SMIM35: variants seen among roughly 807,000 people sequenced by gnomAD.
SMIM35 encodes the protein small integral membrane protein 35, also known as TMPRSS4 antisense RNA 1 (non-protein coding).
intron 1 of SMIM35, among the ~76,000 whole-genome samples, chr11:118,024,015 CA>C (rs34791559): frequency 0.14 from 18,159 of 134,070 alleles, 1,107 homozygotes; most frequent in Admixed American, 0.17. Flanking sequence ...ATGCCTTCTC[CA>C]AAAAAAAAAA....
intron 1 of SMIM35, among the ~76,000 whole-genome samples, chr11:118,063,294 TGGGGACCC>T (rs933429808): frequency 6.6e-6 from 1 of 152,236 alleles, no homozygotes; most frequent in African/African-American, 2.4e-5. Flanking sequence ...GGGGTCTGGA[TGGGGACCC>T]CTTTCCTATA....
At chr11:118,033,460 AT>A (rs1222505934) in intron 1 of SMIM35, among the ~76,000 whole-genome samples, 4 of 151,998 alleles carry the variant, frequency 2.6e-5, no homozygotes, top group Non-Finnish European at 5.9e-5. Flanking sequence ...ATTCCTGTGT[AT>A]TTTTTTTCCT....
intron 4 of SMIM35, among the ~76,000 whole-genome samples, chr11:118,010,312 A>G (rs964519468): frequency 6.6e-6 from 1 of 152,180 alleles, no homozygotes; most frequent in African/African-American, 2.4e-5. Context: ...GCCCCCTCCA[A>G]TGCCACTGGC....
intron 1 of SMIM35, among the ~76,000 whole-genome samples, chr11:118,034,839 C>G (rs1351529809): frequency 1.3e-5 from 2 of 152,212 alleles, no homozygotes; most frequent in Non-Finnish European, 2.9e-5. Context: ...TATTATAACA[C>G]CAGCCCAGGA....
chr11:118,053,794 C>T (rs139243004), intron 1 of SMIM35, among the ~76,000 whole-genome samples: 56 of 152,266 alleles, frequency 3.7e-4, no homozygotes, highest in African/African-American at 1.2e-3. Flanking sequence ...CCACCCCAGC[C>T]CCTGTTCCTC....
intron 1 of SMIM35, among the ~76,000 whole-genome samples, chr11:118,046,868 T>A (rs1477553611): frequency 6.6e-6 from 1 of 152,232 alleles, no homozygotes; most frequent in Non-Finnish European, 1.5e-5. Context: ...GTTCTGGTTA[T>A]CTCACTTTGA....
Position 118,076,340 on chromosome 11 carries a change from G to A in SMIM35, c.7+10411C>T, listed in dbSNP as rs57723675. On this transcript the variant is annotated intron_variant, in intron 1 of 4. Coordinates refer to ENST00000689828, the MANE Select transcript of SMIM35 (RefSeq NM_001394165.1). ...CAGGTGGCTGTAGTCCCAGCTACTCGAGAGGCTGGAGCACGAGAATTGCTT... is the reference window on the plus strand; with the variant it reads ...CAGGTGGCTGTAGTCCCAGCTACTCAAGAGGCTGGAGCACGAGAATTGCTT... 3.3e-5 allele frequency among the ~76,000 whole-genome samples: 5 copies of A among 152,170 alleles called. No individual in the cohort carries two copies. In the South Asian group the frequency reaches 8.3e-4, roughly 25 times the overall value.
rs146664745 is a variant in SMIM35 at position 118,021,046 on chromosome 11, G to GGTTTTTTTTTTTTTTT, written c.8-5238_8-5237insAAAAAAAAAAAAAAAC. Among the ~76,000 whole-genome samples the GGTTTTTTTTTTTTTTT allele has an allele frequency of 0.017, 2,273 of 130,614 alleles. 148 individuals carry two copies. The East Asian group carries it at 0.27, about 16-fold the overall frequency. 85.7% of individuals were successfully genotyped at this position (130,614 alleles called of 152,430 possible). A position where few individuals can be genotyped will look rare whatever the true frequency, so the allele number is the denominator to read the frequency against. ...TTTAGTTTCCAAATTCACAGGGTAA[G>GGTTTTTTTTTTTTTTT]GTTTTTTTTTTTACTATTTATTAAG... is the stretch of plus-strand genomic sequence containing the variant. On this transcript the variant is annotated intron_variant, in intron 1 of 4. Coordinates refer to ENST00000689828, the MANE Select transcript of SMIM35 (RefSeq NM_001394165.1).
intron 1 of SMIM35, among the ~76,000 whole-genome samples, chr11:118,058,477 C>T (rs1404934710): frequency 6.6e-6 from 1 of 152,170 alleles, no homozygotes; most frequent in Non-Finnish European, 1.5e-5. Flanking sequence ...GCAGCTGCAG[C>T]CTGGGCACAA....
intron 1 of SMIM35, chr11:118,077,303 A>C (rs1407663116): frequency 6.2e-7 from 1 of 1,602,274 alleles, no homozygotes; most frequent in Admixed American, 1.7e-5. Context: ...CAGAGCCAGC[A>C]TGGTGAGTGT....
At chr11:118,064,229 G>A (rs1047418584) in intron 1 of SMIM35, among the ~76,000 whole-genome samples, 2 of 152,190 alleles carry the variant, frequency 1.3e-5, no homozygotes, top group Non-Finnish European at 2.9e-5. Flanking sequence ...GAGAACCAAG[G>A]GGAAAATTGA....
chr11:118,074,920 G>A (rs899294337), intron 1 of SMIM35, among the ~76,000 whole-genome samples: 8 of 152,002 alleles, frequency 5.3e-5, no homozygotes, highest in South Asian at 4.1e-4. Context: ...CCTTCTTCCC[G>A]GACCTCTCCA....
intron 1 of SMIM35, among the ~76,000 whole-genome samples, chr11:118,021,955 G>C (rs60590812): frequency 0.096 from 14,541 of 151,928 alleles, 973 homozygotes; most frequent in East Asian, 0.37. Flanking sequence ...CCAACATCTG[G>C]GGAATACACA....
At chr11:118,069,451 G>A (rs1944536944) in intron 1 of SMIM35, among the ~76,000 whole-genome samples, 1 of 152,100 alleles carries the variant, frequency 6.6e-6, no homozygotes, top group African/African-American at 2.4e-5. Flanking sequence ...CAGGAGTTAT[G>A]TTTTAAACCA....
At chr11:118,077,778 G>A (rs1030165555) in intron 1 of SMIM35, among the ~76,000 whole-genome samples, 3 of 152,114 alleles carry the variant, frequency 2.0e-5, no homozygotes, top group Admixed American at 2.0e-4. Flanking sequence ...TTGCGAGGCT[G>A]AGGCAGACAG....
chr11:118,064,573 C>A (rs772145537), intron 1 of SMIM35, among the ~76,000 whole-genome samples: 1 of 152,174 alleles, frequency 6.6e-6, no homozygotes, highest in Non-Finnish European at 1.5e-5. Context: ...CATGTGCCAT[C>A]GTGCCTGGCT....
intron 1 of SMIM35, among the ~76,000 whole-genome samples, chr11:118,038,294 T>C (rs930478077): frequency 6.6e-6 from 1 of 152,216 alleles, no homozygotes; most frequent in Non-Finnish European, 1.5e-5. Flanking sequence ...TTTGTGTTTG[T>C]TTTCATTTTT....
At chr11:118,051,053 T>C (rs1474832712) in intron 1 of SMIM35, among the ~76,000 whole-genome samples, 1 of 152,180 alleles carries the variant, frequency 6.6e-6, no homozygotes, top group Non-Finnish European at 1.5e-5. Flanking sequence ...TTTGTGAAGA[T>C]GTGTGAGGGA....
chr11:118,085,707 A>G (rs1362091567), intron 1 of SMIM35, among the ~76,000 whole-genome samples: 2 of 152,218 alleles, frequency 1.3e-5, no homozygotes, highest in Non-Finnish European at 2.9e-5. Context: ...CAAACCCATG[A>G]GGGTCCCTGC....
Sources: gnomAD v4.1 joint callset for allele counts (sites outside exome capture counted in the v4.1 genomes callset) on GRCh38, gnomAD v4.1.1 for gene constraint, MANE v1.5 for transcripts, NCBI Gene and HGNC (gene_info 2026-07-23, HGNC 2026-07-21) for gene names.